TNS1: variants seen among roughly 807,000 people sequenced by gnomAD.
The protein encoded by TNS1 is tensin-1.
TNS1 carries 62 observed loss-of-function variants against 168.6 expected under a neutral mutation model. The observed-to-expected ratio is 0.37, with a 90% CI of 0.30 to 0.45. The LOEUF is 0.45. Among genes scored for constraint, TNS1 ranks in the 20% least tolerant of loss-of-function variants. The pLI, the probability that TNS1 is intolerant of heterozygous loss-of-function variation, is 1.00. For synonymous variants in TNS1, 934 were observed against 933.2 expected, an observed-to-expected ratio of 1.00 and a Z score of -0.02; for missense variants, 2,240 against 2,339.4, an observed-to-expected ratio of 0.96 and a Z score of 0.88.
intron 6 of TNS1, among the ~76,000 whole-genome samples, chr2:217,901,096 C>G (rs1032196171): frequency 2.0e-5 from 3 of 152,214 alleles, no homozygotes; most frequent in African/African-American, 7.2e-5. Context: ...CTGTGGCAGA[C>G]AGTAACCATC....
At chr2:217,809,477 A>G (rs1428720054) in intron 30 of TNS1, among the ~76,000 whole-genome samples, 18 of 71,078 alleles carry the variant, frequency 2.5e-4, no homozygotes, top group African/African-American at 8.5e-4. Context: ...GGATGGATGG[A>G]TGGATGGATG....
At position 217,961,890 on chromosome 2, in the gene TNS1, G is replaced by C. The variant is rs971032031; in HGVS notation, c.186+16875C>G. Among the ~76,000 whole-genome samples, 28 of 152,214 alleles carry C rather than the reference G, an allele frequency of 1.8e-4. 1 individual carries two copies. Among genetic ancestry groups the C allele is most frequent in the Non-Finnish European group, 3.5e-4 (24 of 68,044 alleles). ...TAATGTCTACAGTCAGGGACCTTAAGTAAAGGAGGCTAACCTTGAAAAGGT... is the reference window on the plus strand; with the variant it reads ...TAATGTCTACAGTCAGGGACCTTAACTAAAGGAGGCTAACCTTGAAAAGGT... On this transcript the variant is annotated intron_variant, in intron 3 of 32. Transcript: ENST00000682258.
At chr2:217,839,000 C>A (rs1945552886) in intron 19 of TNS1, among the ~76,000 whole-genome samples, 1 of 141,828 alleles carries the variant, frequency 7.1e-6, no homozygotes, top group Non-Finnish European at 1.5e-5. Context: ...GGGCCTCTGT[C>A]TCCTACACCC....
chr2:217,893,398 G>GCGCA, intron 10 of TNS1, 41 bp downstream of exon 10: 1 of 1,495,334 alleles, frequency 6.7e-7, no homozygotes, highest in Non-Finnish European at 8.9e-7. Context: ...ATGTGCGCGC[G>GCGCA]CGCACACACA....
At chr2:217,819,949 G>T (rs1040886486) in intron 23 of TNS1, among the ~76,000 whole-genome samples, 2 of 152,140 alleles carry the variant, frequency 1.3e-5, no homozygotes. Context: ...TCAGGTTCAC[G>T]GGGTGATATG....
At chr2:217,818,847 A>G in intron 23 of TNS1, 88 bp from the exon 24 acceptor site, 2 of 1,087,330 alleles carry the variant, frequency 1.8e-6, no homozygotes, top group South Asian at 1.5e-5. Context: ...CCCTCCAACC[A>G]TGAACAACAG....
chr2:218,006,345 G>C (rs1020585020), upstream of TNS1, among the ~76,000 whole-genome samples: 2 of 152,170 alleles, frequency 1.3e-5, no homozygotes, highest in African/African-American at 4.8e-5. Context: ...GGCCTCCAAG[G>C]TCCCTTCCAG....
chr2:217,997,664 T>C (rs1415189134), intron 1 of TNS1, among the ~76,000 whole-genome samples: 1 of 152,228 alleles, frequency 6.6e-6, no homozygotes, highest in Non-Finnish European at 1.5e-5. Context: ...CTGGGCAAAG[T>C]GCTTAACTTG....
At chr2:217,903,957 C>G (rs1025441701) in intron 6 of TNS1, 4 of 327,384 alleles carry the variant, frequency 1.2e-5, no homozygotes, top group Admixed American at 9.5e-5. Flanking sequence ...GTCCACAGAC[C>G]AAACACAACA....
At chr2:217,909,109 G>T (rs1369461997) in intron 4 of TNS1, among the ~76,000 whole-genome samples, 2 of 6,212 alleles carry the variant, frequency 3.2e-4, no homozygotes, top group Non-Finnish European at 6.0e-4. Flanking sequence ...CCCCCTCCCC[G>T]CTAAAGCAGT....
At chr2:218,017,795 G>A (rs1490275446) in intron 1 of TNS1, among the ~76,000 whole-genome samples, 3 of 152,206 alleles carry the variant, frequency 2.0e-5, no homozygotes, top group Non-Finnish European at 2.9e-5. Context: ...AGGTACCCTC[G>A]GGAGCTACTG....
intron 18 of TNS1, chr2:217,849,723 G>A: frequency 1.0e-6 from 1 of 985,440 alleles, no homozygotes; most frequent in Non-Finnish European, 1.2e-6. Flanking sequence ...GAGGCAGAAT[G>A]CCAGGAGAGT....
intron 3 of TNS1, 78 bp downstream of exon 3, chr2:217,978,687 G>A: frequency 1.5e-6 from 1 of 673,372 alleles, no homozygotes; most frequent in East Asian, 2.7e-5. Flanking sequence ...CGCCCCGCCG[G>A]CGCCCCCGCT....
intron 3 of TNS1, among the ~76,000 whole-genome samples, chr2:217,937,914 A>C (rs1256599899): frequency 6.6e-6 from 1 of 152,042 alleles, no homozygotes; most frequent in African/African-American, 2.4e-5. Flanking sequence ...CCTATCCCCT[A>C]ACCCAGCACC....
Position 218,009,664 on chromosome 2 carries a change from T to C in TNS1, c.96+436A>G, listed in dbSNP as rs549723104. Among the ~76,000 whole-genome samples the C allele has an allele frequency of 3.3e-5, 5 of 152,212 alleles. No homozygotes were observed. The East Asian group carries it at 9.7e-4, about 29-fold the overall frequency. ...CCCGTGTTCATTTCACTTCCTTACC[T>C]CGCTGCCTTAACTCGGTGGCTTCTG... is the stretch of plus-strand genomic sequence containing the variant. On this transcript the variant is annotated intron_variant, in intron 1 of 32. Transcript: ENST00000646520.
chr2:217,844,045 C>G (rs1162547555), intron 19 of TNS1, among the ~76,000 whole-genome samples: 1 of 152,158 alleles, frequency 6.6e-6, no homozygotes, highest in Non-Finnish European at 1.5e-5. Context: ...CCTCCTCCTG[C>G]CTTCCTGCTT....
intron 19 of TNS1, among the ~76,000 whole-genome samples, chr2:217,845,460 G>C (rs1946512448): frequency 6.6e-6 from 1 of 152,220 alleles, no homozygotes; most frequent in African/African-American, 2.4e-5. Context: ...TACTCATGCA[G>C]GACCTGCTGA....
At chr2:217,858,198 C>T (rs1355821076) in intron 18 of TNS1, among the ~76,000 whole-genome samples, 1 of 152,112 alleles carries the variant, frequency 6.6e-6, no homozygotes, top group Non-Finnish European at 1.5e-5. Flanking sequence ...CTTAGGACAA[C>T]TCAGACACAC....
intron 3 of TNS1, among the ~76,000 whole-genome samples, chr2:217,933,653 C>G (rs897106535): frequency 1.3e-5 from 2 of 152,166 alleles, no homozygotes; most frequent in Non-Finnish European, 2.9e-5. Context: ...GCCCAGGGCC[C>G]CTGAAGCACA....
Sources: allele counts gnomAD v4.1 joint callset (sites outside exome capture counted in the v4.1 genomes callset), GRCh38; gene constraint gnomAD v4.1.1; transcripts MANE v1.5; gene names NCBI Gene and HGNC (gene_info 2026-07-23, HGNC 2026-07-21).